Variants in RYR2 observed in about 807,000 individuals in gnomAD.
RYR2 encodes ryanodine receptor 2.
In RYR2, 227 loss-of-function variants were observed where a neutral mutation model predicts 601.1. The ratio of observed to expected loss-of-function variants is 0.38; its 90% confidence interval spans 0.34 to 0.42. The LOEUF is 0.42. Among genes scored for constraint, RYR2 ranks in the 10% least tolerant of loss-of-function variants. The pLI, the probability that RYR2 is intolerant of heterozygous loss-of-function variation, is 1.00. For synonymous variants in RYR2, 2,223 were observed against 2,175.1 expected (o/e 1.02, Z -0.61); for missense variants, 4,646 against 6,156.5 (o/e 0.75, Z 8.21).
chr1:237,525,874 G>A (rs542035712), intron 24 of RYR2, among the ~76,000 whole-genome samples: 6 of 152,066 alleles, frequency 3.9e-5, no homozygotes, highest in South Asian at 4.2e-4. Flanking sequence ...CAGCTACTTT[G>A]GAGACTGGGG....
chr1:237,230,420 T>C (rs1351339385), intron 1 of RYR2, among the ~76,000 whole-genome samples: 1 of 152,208 alleles, frequency 6.6e-6, no homozygotes. Context: ...TTGAAATGAA[T>C]AATCAGATCT....
At chr1:237,057,668 G>A (rs929486893) in intron 1 of RYR2, among the ~76,000 whole-genome samples, 4 of 152,080 alleles carry the variant, frequency 2.6e-5, no homozygotes, top group Non-Finnish European at 5.9e-5. Flanking sequence ...GGGGAGGAAG[G>A]GTAAAAGTTA....
intron 2 of RYR2, among the ~76,000 whole-genome samples, chr1:237,324,390 C>T (rs1695944102): frequency 6.6e-6 from 1 of 152,154 alleles, no homozygotes; most frequent in Admixed American, 6.5e-5. Context: ...TCAACAGTTA[C>T]AGTGCCTTCC....
intron 14 of RYR2, among the ~76,000 whole-genome samples, chr1:237,452,505 CAAATATA>C (rs1403253320): frequency 2.1e-5 from 3 of 139,840 alleles, no homozygotes; most frequent in Non-Finnish European, 4.6e-5. Flanking sequence ...TAATGTATAA[CAAATATA>C]TAATATATAA....
chr1:237,369,655 T>C (rs1242778757), intron 6 of RYR2, 47 bp downstream of exon 6: 6 of 1,474,752 alleles, frequency 4.1e-6, no homozygotes, highest in East Asian at 4.9e-5. Context: ...GCTGATCCAT[T>C]TGGGGGTACA....
At chr1:237,589,756 T>C (rs1438702139) in intron 29 of RYR2, 37 bp from the exon 30 acceptor site, 3 of 1,577,694 alleles carry the variant, frequency 1.9e-6, no homozygotes, top group East Asian at 2.3e-5. Context: ...GATCATATAC[T>C]AATGGTACTA....
intron 3 of RYR2, among the ~76,000 whole-genome samples, chr1:237,342,768 G>A (rs1029944975): frequency 3.9e-5 from 6 of 152,146 alleles, no homozygotes; most frequent in Non-Finnish European, 7.4e-5. Context: ...ACTGTCCTTA[G>A]ACCACTGAAA....
intron 1 of RYR2, among the ~76,000 whole-genome samples, chr1:237,074,905 G>C (rs1394534111): frequency 6.6e-6 from 1 of 152,198 alleles, no homozygotes; most frequent in Non-Finnish European, 1.5e-5. Flanking sequence ...TGAAGCTGGT[G>C]TATGTCTAGG....
At chr1:237,386,703 A>G (rs1048272402) in intron 8 of RYR2, among the ~76,000 whole-genome samples, 1 of 152,218 alleles carries the variant, frequency 6.6e-6, no homozygotes, top group Non-Finnish European at 1.5e-5. Context: ...AGGAAGGAAA[A>G]TCTGAAATGT....
chr1:237,387,286 G>A lies in RYR2; in HGVS notation c.582G>A (p.Leu194=), dbSNP rs1558732166. Residue 194 remains leucine (L), a synonymous_variant, in exon 9 of 105, where the codon TTG becomes TTA. Coordinates refer to ENST00000366574, the MANE Select transcript of RYR2 (RefSeq NM_001035.3). ...VSVSSERYLH[L]SYGNGSLHVD... ...CCTTTTGCCTCTTGATACAGCACTT[G>A]TCTTATGGCAACGGCAGCTTACACG... 1.2e-6 allele frequency: 2 copies of A among 1,613,914 alleles called. No homozygotes were observed. Among genetic ancestry groups the A allele is most frequent in the Admixed American group, 1.7e-5 (1 of 60,010 alleles).
At chr1:237,506,381 C>CA (rs1665245117) in intron 22 of RYR2, among the ~76,000 whole-genome samples, 1 of 151,860 alleles carries the variant, frequency 6.6e-6, no homozygotes, top group Admixed American at 6.6e-5. Flanking sequence ...ACTAAAAATA[C>CA]AAAAAAATTA....
At position 237,106,300 on chromosome 1, in the gene RYR2, A is replaced by G. The variant is rs1247339010; in HGVS notation, c.48+63731A>G. Among the ~76,000 whole-genome samples, 1 of 152,306 alleles carries G rather than the reference A, an allele frequency of 6.6e-6. No homozygotes were observed. The highest frequency in any genetic ancestry group is 1.9e-4 in the East Asian group (1 of 5,172). ...TGCACCAGCTCCCGCTGGGCTGCAG[A>G]CAGGCTCTGATGTGGCTTGCAGCAC... On this transcript the variant is annotated intron_variant, in intron 1 of 104. Coordinates refer to ENST00000366574, the MANE Select transcript of RYR2 (RefSeq NM_001035.3). The surrounding 1 kb of genome is among the most constrained non-coding windows in gnomAD (Gnocchi z 4.4).
At chr1:237,473,420 T>C (rs1428729586) in intron 17 of RYR2, among the ~76,000 whole-genome samples, 2 of 126,334 alleles carry the variant, frequency 1.6e-5, no homozygotes, top group Non-Finnish European at 3.5e-5. Context: ...CGAGACTCCA[T>C]CTCTCTCTCT....
At chr1:237,291,108 T>C (rs1247180824) in intron 2 of RYR2, among the ~76,000 whole-genome samples, 1 of 152,200 alleles carries the variant, frequency 6.6e-6, no homozygotes, top group Non-Finnish European at 1.5e-5. Flanking sequence ...AAGGTCATAA[T>C]TGGGACCCAG....
intron 11 of RYR2, among the ~76,000 whole-genome samples, chr1:237,421,948 C>T (rs565434297): frequency 6.6e-6 from 1 of 152,012 alleles, no homozygotes; most frequent in African/African-American, 2.4e-5. Context: ...TTGTCATTTC[C>T]TTTTGAGGTT....
intron 1 of RYR2, among the ~76,000 whole-genome samples, chr1:237,192,370 C>T (rs146075453): frequency 2.0e-5 from 3 of 151,838 alleles, no homozygotes; most frequent in Admixed American, 6.6e-5. Flanking sequence ...CCACCACGCC[C>T]GGCTAATTTT....
chr1:237,676,800 T>G (rs1240577723), intron 60 of RYR2, among the ~76,000 whole-genome samples: 1 of 152,174 alleles, frequency 6.6e-6, no homozygotes, highest in Non-Finnish European at 1.5e-5. Context: ...TTGTAATCTC[T>G]CCACATCTTT....
At chr1:237,381,565 G>T (rs116927034) in intron 8 of RYR2, among the ~76,000 whole-genome samples, 16 of 152,230 alleles carry the variant, frequency 1.1e-4, no homozygotes, top group East Asian at 1.9e-4. Flanking sequence ...CACTAACAGC[G>T]ATGGTTAAGC....
At chr1:237,066,803 G>A (rs1004750472) in intron 1 of RYR2, among the ~76,000 whole-genome samples, 9 of 151,870 alleles carry the variant, frequency 5.9e-5, no homozygotes, top group Non-Finnish European at 1.2e-4. Flanking sequence ...CACCACACCC[G>A]GCTAATTTTT....
Sources: gnomAD v4.1 joint callset for allele counts (sites outside exome capture counted in the v4.1 genomes callset) on GRCh38, gnomAD v4.1.1 for gene constraint, Gnocchi (gnomAD v3.1) non-coding constraint, MANE v1.5 for transcripts, NCBI Gene and HGNC (gene_info 2026-07-23, HGNC 2026-07-21) for gene names.